Variants in SPOCK3 observed in about 807,000 individuals in gnomAD.
The protein encoded by SPOCK3 is SPARC (osteonectin), cwcv and kazal like domains proteoglycan 3.
Under a neutral mutation model 56.6 loss-of-function variants are expected in SPOCK3, and 30 were observed. The observed-to-expected ratio is 0.53, with a 90% CI of 0.40 to 0.72. The LOEUF (loss-of-function observed/expected upper bound fraction) is 0.72, where lower values mean the gene tolerates loss of function less well. SPOCK3 is among the 30% of genes least tolerant of loss of function. SPOCK3 has a pLI of 0.00. For missense variants in SPOCK3, 527 were observed against 530.0 expected, an observed-to-expected ratio of 0.99 and a Z score of 0.06; for synonymous variants, 196 against 183.3, an observed-to-expected ratio of 1.07 and a Z score of -0.56.
chr4:166,793,518 A>AG (rs1741575917), intron 6 of SPOCK3, among the ~76,000 whole-genome samples: 1 of 152,216 alleles, frequency 6.6e-6, no homozygotes, highest in African/African-American at 2.4e-5. Context: ...TCGCATTCAA[A>AG]GCTGTCCTGG....
chr4:166,954,772 C>G (rs144807853), intron 4 of SPOCK3, among the ~76,000 whole-genome samples: 182 of 152,282 alleles, frequency 1.2e-3, no homozygotes, highest in African/African-American at 4.4e-3. Flanking sequence ...TCCAATTTCT[C>G]TGTTATCACA....
intron 5 of SPOCK3, among the ~76,000 whole-genome samples, chr4:166,907,845 T>C (rs894998872): frequency 2.6e-5 from 4 of 152,154 alleles, no homozygotes; most frequent in South Asian, 4.1e-4. Flanking sequence ...TAAATGATCA[T>C]GATAATGTTC....
chr4:167,005,376 A>AT (rs1000795119), intron 3 of SPOCK3, among the ~76,000 whole-genome samples: 29 of 150,270 alleles, frequency 1.9e-4, no homozygotes, highest in East Asian at 1.8e-3. Flanking sequence ...CGCCTGGCTA[A>AT]TTTTTTTTTG....
chr4:166,745,387 T>C (rs1420591220), intron 8 of SPOCK3, among the ~76,000 whole-genome samples: 1 of 152,150 alleles, frequency 6.6e-6, no homozygotes, highest in African/African-American at 2.4e-5. Flanking sequence ...CCAGCCAAAC[T>C]AAATTTCATA....
chr4:166,838,281 G>A (rs1056692375), intron 6 of SPOCK3, among the ~76,000 whole-genome samples: 1 of 152,032 alleles, frequency 6.6e-6, no homozygotes, highest in African/African-American at 2.4e-5. Flanking sequence ...TTCCTTTTCT[G>A]TCAAAGACTC....
intron 2 of SPOCK3, among the ~76,000 whole-genome samples, chr4:167,165,419 A>G (rs1462463152): frequency 6.6e-6 from 1 of 152,166 alleles, no homozygotes; most frequent in Non-Finnish European, 1.5e-5. Flanking sequence ...ACACTTCTCA[A>G]AATAAGACAT....
At chr4:166,775,956 G>C (rs1175093818) in intron 7 of SPOCK3, among the ~76,000 whole-genome samples, 1 of 152,022 alleles carries the variant, frequency 6.6e-6, no homozygotes, top group African/African-American at 2.4e-5. Context: ...AGGTGCTCTA[G>C]AACAGAGAAA....
At chr4:166,870,881 C>G (rs575301677) in intron 6 of SPOCK3, among the ~76,000 whole-genome samples, 1 of 152,166 alleles carries the variant, frequency 6.6e-6, no homozygotes, top group South Asian at 2.1e-4. Flanking sequence ...TACCCCCATG[C>G]TCTTCTCATG....
At chr4:166,896,306 T>C (rs1450867717) in intron 5 of SPOCK3, among the ~76,000 whole-genome samples, 2 of 152,018 alleles carry the variant, frequency 1.3e-5, no homozygotes, top group African/African-American at 4.8e-5. Context: ...TCGGCTTCAG[T>C]GTGTTTGTGC....
intron 6 of SPOCK3, among the ~76,000 whole-genome samples, chr4:166,868,204 G>A (rs62354061): frequency 0.071 from 10,773 of 151,680 alleles, 511 homozygotes; most frequent in Non-Finnish European, 0.1. Context: ...TTGGGAGGCT[G>A]AGATGGTGAG....
chr4:167,168,723 C>T (rs1440016350), intron 2 of SPOCK3, among the ~76,000 whole-genome samples: 2 of 151,978 alleles, frequency 1.3e-5, no homozygotes, highest in Admixed American at 6.6e-5. Flanking sequence ...CAGAAATTTG[C>T]GTAAGTAACA....
At chr4:167,148,323 T>C (rs1450012037) in intron 2 of SPOCK3, among the ~76,000 whole-genome samples, 1 of 152,106 alleles carries the variant, frequency 6.6e-6, no homozygotes, top group African/African-American at 2.4e-5. Context: ...CAGCCAAATA[T>C]GTCAGTGGTG....
intron 2 of SPOCK3, among the ~76,000 whole-genome samples, chr4:167,222,944 CAT>C (rs1736144054): frequency 8.1e-6 from 1 of 123,436 alleles, no homozygotes. Flanking sequence ...AATATGTAAA[CAT>C]ATAATATATA....
rs1438940608 is a variant in SPOCK3, at chr4:166,973,784, T to C, written c.350+26565A>G. On this transcript the variant is annotated intron_variant, in intron 4 of 10. Coordinates refer to ENST00000357545, the MANE Select transcript of SPOCK3 (RefSeq NM_001040159.2). ...CCGCTAGAAAAGATAGATCCAAGAC[T>C]GACAAAAGATAACCTCAATGGAAAT... 2.0e-5 allele frequency among the ~76,000 whole-genome samples: 3 copies of C among 152,124 alleles called. No individual in the cohort carries two copies. In the East Asian group the frequency reaches 5.8e-4, roughly 29 times the overall value.
At chr4:167,178,329 A>G (rs976775769) in intron 2 of SPOCK3, among the ~76,000 whole-genome samples, 1 of 152,176 alleles carries the variant, frequency 6.6e-6, no homozygotes, top group East Asian at 1.9e-4. Context: ...AAATAATTTA[A>G]CATTCTTCCA....
chr4:166,928,793 C>T (rs796407974), intron 4 of SPOCK3, among the ~76,000 whole-genome samples: 2 of 152,142 alleles, frequency 1.3e-5, no homozygotes, highest in African/African-American at 4.8e-5. Context: ...CATGGTGAAG[C>T]CCCATCTTTA....
intron 3 of SPOCK3, among the ~76,000 whole-genome samples, chr4:167,026,741 T>C (rs1347514541): frequency 6.6e-6 from 1 of 151,992 alleles, no homozygotes; most frequent in Non-Finnish European, 1.5e-5. Flanking sequence ...GCATTTTGAA[T>C]ATAATTCATC....
intron 8 of SPOCK3, among the ~76,000 whole-genome samples, chr4:166,753,177 T>C (rs1736647498): frequency 6.6e-6 from 1 of 151,830 alleles, no homozygotes; most frequent in South Asian, 2.1e-4. Flanking sequence ...CCAAAAAATA[T>C]GCTACCATAA....
intron 4 of SPOCK3, among the ~76,000 whole-genome samples, chr4:166,931,839 T>A (rs76124883): frequency 2.6e-5 from 4 of 152,200 alleles, no homozygotes; most frequent in Non-Finnish European, 5.9e-5. Flanking sequence ...TCAATAGGCA[T>A]TAGGCAGAAA....
Sources: allele counts gnomAD v4.1 joint callset (sites outside exome capture counted in the v4.1 genomes callset), GRCh38; gene constraint gnomAD v4.1.1; transcripts MANE v1.5; gene names NCBI Gene and HGNC (gene_info 2026-07-23, HGNC 2026-07-21).